CDS2: variants seen among roughly 807,000 people sequenced by gnomAD.
The protein encoded by CDS2 is phosphatidate cytidylyltransferase 2.
In CDS2, 47 loss-of-function variants were observed where a neutral mutation model predicts 59.0. That is an observed-to-expected ratio of 0.80 (90% confidence interval 0.63 to 1.02). The LOEUF is 1.02. Ranked by LOEUF, CDS2 falls within the 50% of genes least tolerant of loss-of-function variation. CDS2 has a pLI of 0.00. For synonymous variants in CDS2, 207 were observed against 206.4 expected, an observed-to-expected ratio of 1.00 and a Z score of -0.02; for missense variants, 356 against 558.9, an observed-to-expected ratio of 0.64 and a Z score of 3.66.
intron 1 of CDS2, among the ~76,000 whole-genome samples, chr20:5,141,450 TG>T (rs143359277): frequency 2.0e-5 from 3 of 152,216 alleles, no homozygotes; most frequent in Admixed American, 1.3e-4. Context: ...GAACACATGC[TG>T]GGGGGGTGGT....
chr20:5,144,313 A>C (rs1049932433), intron 1 of CDS2, among the ~76,000 whole-genome samples: 1 of 152,150 alleles, frequency 6.6e-6, no homozygotes, highest in African/African-American at 2.4e-5. Flanking sequence ...TGAGTGTAGA[A>C]AGTGATAACG....
chr20:5,130,212 T>A (rs1322861202), intron 1 of CDS2, among the ~76,000 whole-genome samples: 1 of 151,584 alleles, frequency 6.6e-6, no homozygotes, highest in Non-Finnish European at 1.5e-5. Context: ...TGACCTCAGG[T>A]GATCTACCCA....
In CDS2 at chr20:5,165,528, G is replaced by A. The variant is rs181850163; in HGVS notation, c.58-7995G>A. ...GATGGTCTCGAGGCGGAGACTATGC[G>A]GTGTGGGAAGCCGTCTTTTTTTGTT... is the stretch of plus-strand genomic sequence containing the variant. On this transcript the variant is annotated intron_variant, in intron 1 of 12. Coordinates refer to ENST00000460006, the MANE Select transcript of CDS2 (RefSeq NM_003818.4). 5.3e-4 allele frequency among the ~76,000 whole-genome samples: 79 copies of A among 148,962 alleles called. No homozygotes were observed. The East Asian group carries it at 0.014, about 27-fold the overall frequency.
chr20:5,138,427 G>A (rs893605404), intron 1 of CDS2, among the ~76,000 whole-genome samples: 1 of 151,944 alleles, frequency 6.6e-6, no homozygotes, highest in African/African-American at 2.4e-5. Flanking sequence ...TTATTTCTGA[G>A]TTCTCAGTTC....
rs111910519 is a variant in CDS2 at position 5,131,693 on chromosome 20, C to T, written c.57+4544C>T. ...GAGTTTAAATCTTAACTGAAGATAGCGTGTAAGAGCAGGGGCTTGGGTCAG... is the reference window on the plus strand; with the variant it reads ...GAGTTTAAATCTTAACTGAAGATAGTGTGTAAGAGCAGGGGCTTGGGTCAG... On this transcript the variant is annotated intron_variant, in intron 1 of 12. Coordinates refer to ENST00000460006, the MANE Select transcript of CDS2 (RefSeq NM_003818.4). Among the ~76,000 whole-genome samples, 634 of 152,304 alleles carry T rather than the reference C, an allele frequency of 4.2e-3. 3 individuals carry two copies. The highest frequency in any genetic ancestry group is 0.014 in the African/African-American group (597 of 41,576).
chr20:5,153,297 G>A (rs1474611267), intron 1 of CDS2, among the ~76,000 whole-genome samples: 1 of 152,054 alleles, frequency 6.6e-6, no homozygotes, highest in Non-Finnish European at 1.5e-5. Flanking sequence ...TATAGAGTGC[G>A]TACATATCAT....
intron 1 of CDS2, among the ~76,000 whole-genome samples, chr20:5,135,458 C>T (rs927821129): frequency 4.6e-5 from 7 of 152,142 alleles, no homozygotes; most frequent in Non-Finnish European, 8.8e-5. Flanking sequence ...GTTTGTGTGT[C>T]ATACTGCCTC....
intron 5 of CDS2, among the ~76,000 whole-genome samples, chr20:5,179,634 CATT>C (rs2091019145): frequency 6.6e-6 from 1 of 152,210 alleles, no homozygotes; most frequent in South Asian, 2.1e-4. Flanking sequence ...CCTTGGGTGA[CATT>C]GTAGCATGGT....
chr20:5,172,022 GC>G (rs1391438124), intron 1 of CDS2, among the ~76,000 whole-genome samples: 4 of 152,156 alleles, frequency 2.6e-5, no homozygotes, highest in Non-Finnish European at 5.9e-5. Flanking sequence ...ACTAGTTAAG[GC>G]CCTCTGTCTT....
chr20:5,133,056 A>T (rs1004420582), intron 1 of CDS2, among the ~76,000 whole-genome samples: 13 of 151,098 alleles, frequency 8.6e-5, no homozygotes, highest in African/African-American at 3.2e-4. Flanking sequence ...CCGTAGTCCC[A>T]GCTACTCAGG....
intron 1 of CDS2, among the ~76,000 whole-genome samples, chr20:5,132,570 ACTT>A (rs1433346321): frequency 3.3e-5 from 5 of 152,186 alleles, no homozygotes; most frequent in Admixed American, 2.0e-4. Flanking sequence ...AACTATAACT[ACTT>A]CAGGTATAAG....
intron 1 of CDS2, among the ~76,000 whole-genome samples, chr20:5,152,323 A>G (rs1315543114): frequency 6.6e-6 from 1 of 152,066 alleles, no homozygotes; most frequent in Non-Finnish European, 1.5e-5. Context: ...TTTTTTGGCC[A>G]AGATTGCAGC....
At chr20:5,165,901 T>C (rs1032695537) in intron 1 of CDS2, among the ~76,000 whole-genome samples, 1 of 152,220 alleles carries the variant, frequency 6.6e-6, no homozygotes, top group Non-Finnish European at 1.5e-5. Context: ...GTACAACCTG[T>C]TCTAGAAACT....
chr20:5,160,738 C>G (rs2090870729), intron 1 of CDS2, among the ~76,000 whole-genome samples: 1 of 152,142 alleles, frequency 6.6e-6, no homozygotes, highest in African/African-American at 2.4e-5. Flanking sequence ...CCCCTGACAA[C>G]CACCATTCTA....
intron 1 of CDS2, among the ~76,000 whole-genome samples, chr20:5,130,477 T>G (rs2090595503): frequency 6.6e-6 from 1 of 152,014 alleles, no homozygotes; most frequent in South Asian, 2.1e-4. Context: ...AAGTCAGTGC[T>G]TTAAAAGCTC....
Position 5,189,181 on chromosome 20 carries a change from A to T in CDS2, c.1096A>T (p.Ile366Phe). 1 of 1,614,068 alleles carries T rather than the reference A, an allele frequency of 6.2e-7. No homozygotes were observed. Among genetic ancestry groups the T allele is most frequent in the Non-Finnish European group, 8.5e-7 (1 of 1,179,976 alleles). ...FASGFKRAFKIKDFANTIPGH... is the reference protein window; with the variant it reads ...FASGFKRAFKFKDFANTIPGH... Reference sequence around the variant, plus strand: ...AAGTGGATTCAAACGAGCCTTTAAAATCAAAGTAGGAAAACCGTCTTACGT... The same window carrying T: ...AAGTGGATTCAAACGAGCCTTTAAATTCAAAGTAGGAAAACCGTCTTACGT... The change falls in exon 11 of 13, where the codon ATC (isoleucine) becomes TTC (phenylalanine). Residue 366 changes from isoleucine to phenylalanine, a missense_variant. Physicochemically the swap from Ile to Phe is conservative, Grantham distance 21. This residue lies in a region of CDS2 where 41 missense variants were observed against 104.4 expected (regional missense o/e 0.39). Transcript: ENST00000460006.
At chr20:5,179,105 C>T in intron 5 of CDS2, 149 bp downstream of exon 5, 1 of 631,246 alleles carries the variant, frequency 1.6e-6, no homozygotes. Context: ...CTATGTTAAG[C>T]TGTAGCAGCT....
At chr20:5,140,232 T>G (rs2090683015) in intron 1 of CDS2, among the ~76,000 whole-genome samples, 1 of 152,254 alleles carries the variant, frequency 6.6e-6, no homozygotes, top group African/African-American at 2.4e-5. Context: ...TTAAGTTGTT[T>G]TAAGGTTTTT....
chr20:5,150,453 C>T (rs2090779664), intron 1 of CDS2, among the ~76,000 whole-genome samples: 5 of 152,336 alleles, frequency 3.3e-5, no homozygotes, highest in South Asian at 4.1e-4. Context: ...TTTTCTCCCA[C>T]GGGTTGGCCA....
Sources: allele counts gnomAD v4.1 joint callset (sites outside exome capture counted in the v4.1 genomes callset), GRCh38; gene constraint gnomAD v4.1.1; regional missense constraint gnomAD v4.1.1; transcripts MANE v1.5; gene names NCBI Gene and HGNC (gene_info 2026-07-23, HGNC 2026-07-21).